FLACC1: variants seen among roughly 807,000 people sequenced by gnomAD.
FLACC1 encodes flagellum-associated coiled-coil domain-containing protein 1.
FLACC1 carries 66 observed loss-of-function variants against 62.8 expected under a neutral mutation model. That is an observed-to-expected ratio of 1.05 (90% CI 0.86 to 1.29). FLACC1 has a LOEUF of 1.29. Among genes scored for constraint, FLACC1 ranks in the 50% most tolerant of loss-of-function variants. The probability of loss-of-function intolerance (pLI) is 0.00; values close to 1 mark genes in which losing one functional copy is unlikely to be tolerated. For synonymous variants in FLACC1, 156 were observed against 161.0 expected (o/e 0.97, Z 0.24); for missense variants, 452 against 489.1 (o/e 0.92, Z 0.71).
rs565002742 is a variant in FLACC1, at chr2:201,290,163, A to G, written c.943-378T>C. Among the ~76,000 whole-genome samples the G allele has an allele frequency of 2.0e-5, 3 of 152,338 alleles. No individual in the cohort carries two copies. In the South Asian group the frequency reaches 6.2e-4, roughly 32 times the overall value. ...GGGATGAATAGGTGGGATAGAGGGC[A>G]CTTTTAGAGCAGTGAAACTATTCTG... is the stretch of plus-strand genomic sequence containing the variant. On this transcript the variant is annotated intron_variant, in intron 12 of 14. Coordinates refer to ENST00000392257, the MANE Select transcript of FLACC1 (RefSeq NM_001127391.3).
Position 201,288,577 on chromosome 2 carries a change from GA to G in FLACC1, c.*77del. 2 of 1,538,534 alleles carry G rather than the reference GA, an allele frequency of 1.3e-6. No homozygotes were observed. The highest frequency in any genetic ancestry group is 8.8e-7 in the Non-Finnish European group (1 of 1,137,456). ...AAACTCATTATATGCATTTTCTCAA[GA>G]AAACCCTCCCAGGAGTTTCCTGGGC... is the stretch of plus-strand genomic sequence containing the variant. On this transcript the variant is annotated 3_prime_UTR_variant, in exon 15 of 15. Coordinates refer to ENST00000392257, the MANE Select transcript of FLACC1 (RefSeq NM_001127391.3).
At chr2:201,317,305 G>A (rs748709204) in intron 9 of FLACC1, among the ~76,000 whole-genome samples, 1 of 152,152 alleles carries the variant, frequency 6.6e-6, no homozygotes, top group African/African-American at 2.4e-5. Context: ...AAACCCTAAA[G>A]ATTCCTCCAA....
chr2:201,355,834 G>A (rs888089287), intron 1 of FLACC1, among the ~76,000 whole-genome samples: 7 of 152,110 alleles, frequency 4.6e-5, no homozygotes, highest in Non-Finnish European at 1.0e-4. Flanking sequence ...ATTTCAGCCT[G>A]GGTGACAGCA....
At chr2:201,345,951 G>T (rs1039762856) in intron 5 of FLACC1, among the ~76,000 whole-genome samples, 4 of 152,182 alleles carry the variant, frequency 2.6e-5, no homozygotes, top group African/African-American at 9.7e-5. Flanking sequence ...GATTACCTGA[G>T]GTCAGGAGTT....
At chr2:201,327,429 A>G (rs980140257) in intron 9 of FLACC1, among the ~76,000 whole-genome samples, 1 of 152,192 alleles carries the variant, frequency 6.6e-6, no homozygotes, top group Non-Finnish European at 1.5e-5. Flanking sequence ...AAGGACTAGT[A>G]ATCAAAATCT....
At chr2:201,336,878 C>A (rs571266255) in intron 7 of FLACC1, among the ~76,000 whole-genome samples, 53 of 152,118 alleles carry the variant, frequency 3.5e-4, no homozygotes, top group Non-Finnish European at 5.6e-4. Context: ...TGTTTTTGCT[C>A]TATATTTCCC....
intron 9 of FLACC1, among the ~76,000 whole-genome samples, chr2:201,314,287 T>TA (rs199685471): frequency 0.1 from 15,651 of 149,408 alleles, 1,301 homozygotes; most frequent in South Asian, 0.27. Flanking sequence ...TTAAGGAAAT[T>TA]TAAAAAAAAA....
intron 12 of FLACC1, among the ~76,000 whole-genome samples, chr2:201,294,879 C>T (rs1949823502): frequency 6.6e-6 from 1 of 152,100 alleles, no homozygotes; most frequent in Non-Finnish European, 1.5e-5. Context: ...ACACCAATAA[C>T]AGACAAACAG....
At chr2:201,339,486 A>T (rs1950763172) in intron 7 of FLACC1, among the ~76,000 whole-genome samples, 1 of 151,828 alleles carries the variant, frequency 6.6e-6, no homozygotes, top group African/African-American at 2.4e-5. Flanking sequence ...CTTCAGGTGC[A>T]TTATTAGATT....
At chr2:201,347,033 ACCAGACAGTAG>A (rs1270247015) in intron 4 of FLACC1, among the ~76,000 whole-genome samples, 1 of 152,262 alleles carries the variant, frequency 6.6e-6, no homozygotes, top group Non-Finnish European at 1.5e-5. Flanking sequence ...TGGCTCTGCC[ACCAGACAGTAG>A]CCATCCAGCA....
At chr2:201,321,544 T>C (rs1459974393) in intron 9 of FLACC1, among the ~76,000 whole-genome samples, 1 of 152,178 alleles carries the variant, frequency 6.6e-6, no homozygotes, top group African/African-American at 2.4e-5. Flanking sequence ...CCATTGGAGC[T>C]TGGTGTGAGT....
chr2:201,314,808 G>C (rs979625624), intron 9 of FLACC1, among the ~76,000 whole-genome samples: 1 of 152,060 alleles, frequency 6.6e-6, no homozygotes, highest in Non-Finnish European at 1.5e-5. Flanking sequence ...AACCTGTAAA[G>C]GAAAACCTAT....
chr2:201,332,762 A>G (rs1455966429), intron 7 of FLACC1, among the ~76,000 whole-genome samples: 2 of 148,304 alleles, frequency 1.3e-5, no homozygotes, highest in Non-Finnish European at 3.0e-5. Flanking sequence ...CGCTGTTTCT[A>G]TGAGTTTGAT....
chr2:201,336,095 A>T (rs1033634615), intron 7 of FLACC1, among the ~76,000 whole-genome samples: 1 of 152,086 alleles, frequency 6.6e-6, no homozygotes, highest in Non-Finnish European at 1.5e-5. Flanking sequence ...TGTACAAATG[A>T]TTTCATTGCT....
chr2:201,309,150 C>T lies in FLACC1; in HGVS notation c.775+1G>A, dbSNP rs773691872. ...AAAAAAGCTAGAGTTTCTGTACTCA[C>T]TTTGCTGTAGCAGGATATTTTCTCG... On this transcript the variant is annotated splice_donor_variant, in intron 10 of 14. Transcript: ENST00000392257. LOFTEE classifies it high-confidence loss of function. The T allele has an allele frequency of 3.1e-6, 5 of 1,612,558 alleles. No homozygotes were observed. The Admixed American group carries it at 8.3e-5, about 27-fold the overall frequency.
chr2:201,353,408 G>A (rs1446065921), intron 1 of FLACC1, among the ~76,000 whole-genome samples: 1 of 152,060 alleles, frequency 6.6e-6, no homozygotes, highest in Non-Finnish European at 1.5e-5. Flanking sequence ...GGAAGTATGA[G>A]GTAAATAAAA....
intron 12 of FLACC1, among the ~76,000 whole-genome samples, chr2:201,298,760 G>A (rs9288316): frequency 0.54 from 82,144 of 152,028 alleles, 23,087 homozygotes; most frequent in East Asian, 0.68. Flanking sequence ...GGATTTGAAC[G>A]GCTCCTCTTC....
At chr2:201,289,874 A>G in intron 12 of FLACC1, 89 bp from the exon 13 acceptor site, 1 of 1,602,552 alleles carries the variant, frequency 6.2e-7, no homozygotes, top group Non-Finnish European at 8.5e-7. Context: ...GATGAAAGGG[A>G]GCAACCTGAG....
At chr2:201,358,343 A>G (rs532005509), upstream of FLACC1, among the ~76,000 whole-genome samples, 1 of 152,232 alleles carries the variant, frequency 6.6e-6, no homozygotes, top group Admixed American at 6.5e-5. Flanking sequence ...CCTGGACTCA[A>G]GCGATCCTTC....
Sources: gnomAD v4.1 joint callset for allele counts (sites outside exome capture counted in the v4.1 genomes callset) on GRCh38, gnomAD v4.1.1 for gene constraint, MANE v1.5 for transcripts, NCBI Gene and HGNC (gene_info 2026-07-23, HGNC 2026-07-21) for gene names.